KDM6A: variants seen among roughly 807,000 people sequenced by gnomAD.
KDM6A encodes the protein lysine-specific demethylase 6A.
Under a neutral mutation model 117.6 loss-of-function variants are expected in KDM6A, and 11 were observed. That is an observed-to-expected ratio of 0.09 (90% CI 0.06 to 0.15). The LOEUF (loss-of-function observed/expected upper bound fraction) is 0.15, where lower values mean the gene tolerates loss of function less well. KDM6A is among the 10% of genes least tolerant of loss of function. The pLI, the probability that KDM6A is intolerant of heterozygous loss-of-function variation, is 1.00. For missense variants in KDM6A, 799 were observed against 1,077.3 expected (o/e 0.74, Z 3.62); for synonymous variants, 384 against 396.1 (o/e 0.97, Z 0.36).
At chrX:44,938,219 C>T (rs1214817372) in intron 2 of KDM6A, among the ~76,000 whole-genome samples, 3 of 111,877 alleles carry the variant, frequency 2.7e-5, no homozygotes, top group Non-Finnish European at 5.6e-5. Context: ...CTTGGCCTCA[C>T]AAAGTGTTGG....
chrX:44,970,844 T>C (rs2039304275), intron 3 of KDM6A, among the ~76,000 whole-genome samples: 1 of 112,242 alleles, frequency 8.9e-6, no homozygotes, highest in African/African-American at 3.2e-5. Flanking sequence ...CTGTTTCTTC[T>C]GTGCTGTGGG....
chrX:44,975,579 C>G (rs997475515), intron 4 of KDM6A, among the ~76,000 whole-genome samples: 1 of 111,394 alleles, frequency 9.0e-6, no homozygotes, highest in African/African-American at 3.3e-5. Context: ...TTATCACATG[C>G]TATAAAATTA....
At chrX:44,992,177 C>T (rs370494993) in intron 4 of KDM6A, among the ~76,000 whole-genome samples, 1 of 103,502 alleles carries the variant, frequency 9.7e-6, no homozygotes, top group East Asian at 3.1e-4. Flanking sequence ...TCTTTACCAC[C>T]TAACGAAATT....
At chrX:44,878,848 C>T (rs1465983499) in intron 2 of KDM6A, among the ~76,000 whole-genome samples, 3 of 110,184 alleles carry the variant, frequency 2.7e-5, no homozygotes, top group African/African-American at 3.3e-5. Context: ...CAGCCTCTTG[C>T]GTAGCTGGGA....
intron 9 of KDM6A, 90 bp from the exon 10 acceptor site, chrX:45,053,739 A>G: frequency 1.4e-6 from 1 of 704,542 alleles, no homozygotes; most frequent in South Asian, 2.4e-5. Flanking sequence ...AGAAAAGAGT[A>G]CTTTTTTGGT....
chrX:44,920,433 CTTTTA>C (rs1035223908), intron 2 of KDM6A, among the ~76,000 whole-genome samples: 1 of 108,916 alleles, frequency 9.2e-6, no homozygotes, highest in Admixed American at 9.7e-5. Context: ...TATCTTTTTA[CTTTTA>C]TTTTATTTTT....
At chrX:44,927,484 C>T (rs1297149277) in intron 2 of KDM6A, among the ~76,000 whole-genome samples, 5 of 110,730 alleles carry the variant, frequency 4.5e-5, no homozygotes, top group Non-Finnish European at 7.5e-5. Flanking sequence ...AATGGAACAG[C>T]CATAGTAGAC....
At chrX:44,891,894 TAAGG>T (rs1204235008) in intron 2 of KDM6A, among the ~76,000 whole-genome samples, 1 of 112,205 alleles carries the variant, frequency 8.9e-6, no homozygotes, top group Non-Finnish European at 1.9e-5. Context: ...CACCTTTAAA[TAAGG>T]AAGAGGAACA....
At chrX:44,932,126 G>A (rs1649887742) in intron 2 of KDM6A, among the ~76,000 whole-genome samples, 1 of 74,856 alleles carries the variant, frequency 1.3e-5, no homozygotes, top group Non-Finnish European at 2.3e-5. Flanking sequence ...ATGGAGTCTC[G>A]CTCTGTCTTC....
chrX:45,091,531 C>G (rs1220372800), intron 27 of KDM6A, among the ~76,000 whole-genome samples: 1 of 111,475 alleles, frequency 9.0e-6, no homozygotes, highest in Non-Finnish European at 1.9e-5. Flanking sequence ...GGAATTCTGG[C>G]TATGGAAATA....
chrX:45,020,132 A>G (rs935569104), intron 5 of KDM6A, among the ~76,000 whole-genome samples: 1 of 111,753 alleles, frequency 8.9e-6, no homozygotes, highest in Non-Finnish European at 1.9e-5. Context: ...CACATAGTAT[A>G]AAAGATAAGG....
chrX:45,036,482 C>T (rs980103980), intron 7 of KDM6A, among the ~76,000 whole-genome samples: 5 of 111,604 alleles, frequency 4.5e-5, no homozygotes, highest in Non-Finnish European at 9.4e-5. Context: ...AATTCAGGAT[C>T]CAGTACTGAT....
intron 10 of KDM6A, 42 bp from the exon 11 acceptor site, chrX:45,058,964 G>A (rs2147954716): frequency 9.1e-7 from 1 of 1,095,270 alleles, no homozygotes. Flanking sequence ...CAGTATTAAT[G>A]GAATTCTCTT....
intron 4 of KDM6A, among the ~76,000 whole-genome samples, chrX:44,981,715 G>A (rs947516010): frequency 1.8e-5 from 2 of 111,238 alleles, no homozygotes; most frequent in African/African-American, 6.5e-5. Flanking sequence ...CCTGCCCTGA[G>A]TTATCTCATT....
chrX:44,966,869 C>CTT (rs1228583337), intron 3 of KDM6A, among the ~76,000 whole-genome samples: 4,383 of 88,832 alleles, frequency 0.049, 480 homozygotes, highest in African/African-American at 0.19. Context: ...CTCTCTCTCT[C>CTT]TTTTTTTTTT....
intron 3 of KDM6A, among the ~76,000 whole-genome samples, chrX:44,970,915 T>A (rs1439785794): frequency 2.7e-5 from 3 of 111,511 alleles, no homozygotes; most frequent in Non-Finnish European, 5.6e-5. Flanking sequence ...CTTGTTCACA[T>A]CCATTAGTAG....
chrX:45,002,120 G>A (rs777774361), intron 4 of KDM6A, among the ~76,000 whole-genome samples: 2 of 110,471 alleles, frequency 1.8e-5, no homozygotes, highest in South Asian at 3.9e-4. Flanking sequence ...ATTTCCCTTA[G>A]CACCTATTTT....
intron 27 of KDM6A, among the ~76,000 whole-genome samples, chrX:45,096,453 A>G (rs1199701787): frequency 8.9e-6 from 1 of 111,782 alleles, no homozygotes; most frequent in African/African-American, 3.3e-5. Flanking sequence ...AAACCGTCAA[A>G]CCATTAAAAC....
At chrX:45,091,202 A>G (rs2045880897) in intron 27 of KDM6A, among the ~76,000 whole-genome samples, 1 of 111,633 alleles carries the variant, frequency 9.0e-6, no homozygotes, top group Admixed American at 9.5e-5. Flanking sequence ...GCATCACAGA[A>G]TATTTGTTGT....
Sources: gnomAD v4.1 joint callset for allele counts (sites outside exome capture counted in the v4.1 genomes callset) on GRCh38, gnomAD v4.1.1 for gene constraint, MANE v1.5 for transcripts, NCBI Gene and HGNC (gene_info 2026-07-23, HGNC 2026-07-21) for gene names.